Variants in PLEKHH2 observed in about 807,000 individuals in gnomAD.
PLEKHH2 encodes the protein pleckstrin homology, MyTH4 and FERM domain containing H2, also known as pleckstrin homology domain-containing family H member 2.
In PLEKHH2, 129 loss-of-function variants were observed where a neutral mutation model predicts 187.9. The ratio of observed to expected loss-of-function variants is 0.69; its 90% CI spans 0.59 to 0.79. The LOEUF is 0.79. PLEKHH2 is among the 30% of genes least tolerant of loss of function. PLEKHH2 has a pLI of 0.00. For missense variants in PLEKHH2, 2,076 were observed against 1,751.2 expected (o/e 1.19, Z -3.31); for synonymous variants, 686 against 605.6 (o/e 1.13, Z -1.95).
intron 17 of PLEKHH2, among the ~76,000 whole-genome samples, chr2:43,727,040 A>T (rs1481205440): frequency 1.3e-5 from 2 of 150,200 alleles, no homozygotes; most frequent in Non-Finnish European, 2.9e-5. Context: ...TCCAGAATTT[A>T]AAGAGTTAAA....
At chr2:43,753,835 T>A (rs570254064) in intron 25 of PLEKHH2, 75 bp downstream of exon 25, 19 of 1,190,620 alleles carry the variant, frequency 1.6e-5, no homozygotes, top group Non-Finnish European at 2.2e-5. Context: ...AAACGTAAAA[T>A]AATATACTTC....
chr2:43,756,531 G>T (rs943006118), intron 25 of PLEKHH2, among the ~76,000 whole-genome samples: 2 of 152,086 alleles, frequency 1.3e-5, no homozygotes, highest in Non-Finnish European at 2.9e-5. Context: ...ATGAAAAATT[G>T]TCCTTGCAGA....
chr2:43,766,846 C>T lies in PLEKHH2; in HGVS notation c.*1248C>T, dbSNP rs1389749141. The T allele has an allele frequency of 6.6e-6, 1 of 152,476 alleles. No individual in the cohort carries two copies. The highest frequency in any genetic ancestry group is 2.1e-4 in the South Asian group (1 of 4,830). 9.4% of individuals were successfully genotyped at this position (152,476 alleles called of 1,614,324 possible). A position where few individuals can be genotyped will look rare whatever the true frequency, so the allele number is the denominator to read the frequency against. ...CTCCTGGGTTCAAGCAATCCTCCCA[C>T]CTCGGCCTCCCAAAGTGCTGGGATT... On this transcript the variant is annotated 3_prime_UTR_variant, in exon 30 of 30. Transcript: ENST00000282406.
At chr2:43,698,551 C>G (rs1452836772) in intron 7 of PLEKHH2, among the ~76,000 whole-genome samples, 1 of 152,090 alleles carries the variant, frequency 6.6e-6, no homozygotes, top group African/African-American at 2.4e-5. Context: ...ACCCGGCCTA[C>G]TTGCATCTTT....
chr2:43,692,699 G>A, intron 4 of PLEKHH2, 36 bp downstream of exon 4: 3 of 1,582,448 alleles, frequency 1.9e-6, no homozygotes, highest in African/African-American at 1.4e-5. Context: ...CTAAGTGTGT[G>A]CACTCATTTG....
intron 2 of PLEKHH2, among the ~76,000 whole-genome samples, chr2:43,672,937 A>T (rs1369499301): frequency 6.6e-6 from 1 of 152,194 alleles, no homozygotes; most frequent in Non-Finnish European, 1.5e-5. Context: ...CAAACATTTG[A>T]TTGCAACATT....
chr2:43,679,745 C>T (rs1668071766), intron 3 of PLEKHH2: 1 of 157,038 alleles, frequency 6.4e-6, no homozygotes, highest in Non-Finnish European at 1.4e-5. Flanking sequence ...CCACCTTGGC[C>T]TCCTAAAGTG....
At chr2:43,744,730 T>G (rs1376621226) in intron 23 of PLEKHH2, among the ~76,000 whole-genome samples, 1 of 151,726 alleles carries the variant, frequency 6.6e-6, no homozygotes, top group Non-Finnish European at 1.5e-5. Context: ...TAGCCAGGCA[T>G]GGTGCCACAC....
chr2:43,730,560 G>A (rs1029542028), intron 18 of PLEKHH2, among the ~76,000 whole-genome samples: 1 of 152,030 alleles, frequency 6.6e-6, no homozygotes, highest in Non-Finnish European at 1.5e-5. Context: ...CACCATGCCC[G>A]ACTAATTTTT....
At position 43,767,474 on chromosome 2, in the gene PLEKHH2, A is replaced by T. The variant is rs1304029622; in HGVS notation, c.*1876A>T. The T allele has an allele frequency of 6.6e-6, 1 of 152,374 alleles. No individual in the cohort carries two copies. The highest frequency in any genetic ancestry group is 2.4e-5 in the African/African-American group (1 of 41,464). 9.4% of individuals were successfully genotyped at this position (152,374 alleles called of 1,614,324 possible). The stretch of plus-strand genomic sequence containing the variant: ...GTTTCCCCTACATCTTTTGAGCCAC[A>T]GTCGCCCATCGAATAAGCAAATTTG... On this transcript the variant is annotated 3_prime_UTR_variant, in exon 30 of 30. Transcript: ENST00000282406.
At chr2:43,704,569 A>C (rs1285262783) in intron 9 of PLEKHH2, among the ~76,000 whole-genome samples, 1 of 149,230 alleles carries the variant, frequency 6.7e-6, no homozygotes, top group Non-Finnish European at 1.5e-5. Flanking sequence ...AGGTTGAGGC[A>C]GGAGGATGGC....
At chr2:43,737,677 C>T (rs1671358491) in intron 19 of PLEKHH2, among the ~76,000 whole-genome samples, 1 of 152,312 alleles carries the variant, frequency 6.6e-6, no homozygotes, top group East Asian at 1.9e-4. Context: ...CTGCTCAAGA[C>T]ATGGCAGCTA....
intron 11 of PLEKHH2, among the ~76,000 whole-genome samples, chr2:43,708,929 G>A (rs1020315825): frequency 6.6e-6 from 1 of 152,178 alleles, no homozygotes; most frequent in Admixed American, 6.5e-5. Context: ...AAAAAGCAGT[G>A]TCACAAGAGT....
At chr2:43,676,353 C>G (rs1405153073) in intron 2 of PLEKHH2, 3 of 1,533,236 alleles carry the variant, frequency 2.0e-6, no homozygotes, top group Middle Eastern at 1.8e-4. Flanking sequence ...GTGCCAGGGT[C>G]AAAGGCAGCC....
At chr2:43,754,491 A>T (rs973706324) in intron 25 of PLEKHH2, among the ~76,000 whole-genome samples, 1 of 152,172 alleles carries the variant, frequency 6.6e-6, no homozygotes, top group African/African-American at 2.4e-5. Context: ...TGTCTCTCCC[A>T]TCAGAATTTA....
At chr2:43,762,438 C>T in intron 28 of PLEKHH2, 48 bp downstream of exon 28, 1 of 1,361,392 alleles carries the variant, frequency 7.3e-7, no homozygotes, top group Non-Finnish European at 1.1e-6. Flanking sequence ...GTTTCCATTG[C>T]TCAGTGTACC....
chr2:43,762,359 A>G lies in PLEKHH2; in HGVS notation c.4127A>G (p.Asp1376Gly). ...TTCTTGTGGCTGGCTGTACATGAGG[A>G]TGGTTTAAGCCTCTTAGAATACAAC... ...STFLWLAVHEDGLSLLEYNSM... is the reference protein window; with the variant it reads ...STFLWLAVHEGGLSLLEYNSM... The change falls in exon 28 of 30, where the codon GAT becomes GGT. Residue 1376 changes from aspartate to glycine, a missense_variant. Physicochemically the swap from Asp to Gly is moderately conservative, Grantham distance 94. Coordinates refer to ENST00000282406, the MANE Select transcript of PLEKHH2 (RefSeq NM_172069.4). 1 of 1,612,976 alleles carries G rather than the reference A, an allele frequency of 6.2e-7. No individual in the cohort carries two copies. Among genetic ancestry groups the G allele is most frequent in the Non-Finnish European group, 8.5e-7 (1 of 1,179,088 alleles).
At chr2:43,741,375 T>A (rs1343241142) in intron 21 of PLEKHH2, 1 of 163,262 alleles carries the variant, frequency 6.1e-6, no homozygotes, top group African/African-American at 2.4e-5. Flanking sequence ...AGTTTTCCCT[T>A]TTACTATTTC....
At chr2:43,657,918 T>C (rs2374569) in intron 2 of PLEKHH2, among the ~76,000 whole-genome samples, 98,840 of 152,046 alleles carry the variant, frequency 0.65, 33,294 homozygotes, top group African/African-American at 0.8. Flanking sequence ...CTCCTTCTTC[T>C]GTATCTACAA....
Sources: gnomAD v4.1 joint callset for allele counts (sites outside exome capture counted in the v4.1 genomes callset) on GRCh38, gnomAD v4.1.1 for gene constraint, MANE v1.5 for transcripts, NCBI Gene and HGNC (gene_info 2026-07-23, HGNC 2026-07-21) for gene names.